BEND7: variants seen among roughly 807,000 people sequenced by gnomAD.
BEND7 encodes BEN domain-containing protein 7.
In BEND7, 28 loss-of-function variants were observed where a neutral mutation model predicts 50.9. The observed-to-expected ratio is 0.55, with a 90% CI of 0.41 to 0.75. The LOEUF (loss-of-function observed/expected upper bound fraction) is 0.75, where lower values mean the gene tolerates loss of function less well. Ranked by LOEUF, BEND7 falls within the 30% of genes least tolerant of loss-of-function variation. The pLI is 0.00. For synonymous variants in BEND7, 170 were observed against 183.9 expected, an observed-to-expected ratio of 0.92 and a Z score of 0.61; for missense variants, 477 against 491.3, an observed-to-expected ratio of 0.97 and a Z score of 0.28.
intron 6 of BEND7, among the ~76,000 whole-genome samples, chr10:13,457,785 G>GT (rs1249055484): frequency 6.6e-6 from 1 of 152,174 alleles, no homozygotes; most frequent in African/African-American, 2.4e-5. Context: ...TATTATCCTG[G>GT]TAACAGTTCC....
Position 13,499,900 on chromosome 10 carries a change from A to C in BEND7, c.326T>G (p.Leu109Arg). The change falls in exon 3 of 9, where the codon CTC becomes CGC. Residue 109 changes from leucine (L) to arginine (R), a missense_variant. Around this residue, in one of 3 missense-constraint regions of BEND7, gnomAD observed 396 missense variants for 384.2 expected, o/e 1.03. Transcript: ENST00000466271. ...LNSSAEAPQS[L>R]HPSSRGVWNE... ...CCACACACCACGTGAAGACGGGTGG[A>C]GGCTTTGCGGGGCCTCAGCAGAGGA... 6.2e-7 allele frequency: 1 copy of C among 1,614,164 alleles called. No homozygotes were observed. Among genetic ancestry groups the C allele is most frequent in the Non-Finnish European group, 8.5e-7 (1 of 1,180,020 alleles).
chr10:13,528,595 C>T lies in BEND7; in HGVS notation c.-62G>A, dbSNP rs1429295832. The T allele has an allele frequency of 7.2e-6, 6 of 835,534 alleles. No individual in the cohort carries two copies. Among genetic ancestry groups the T allele is most frequent in the Non-Finnish European group, 8.6e-6 (6 of 699,864 alleles). 51.8% of individuals were successfully genotyped at this position (835,534 alleles called of 1,614,324 possible). On this transcript the variant is annotated 5_prime_UTR_variant, in exon 1 of 9. Coordinates refer to ENST00000466271, the MANE Select transcript of BEND7 (RefSeq NM_001369863.1). ...GCGGCAGCGGCGGCAGCGGCAGCGG[C>T]GGCAGCGGCAGCGGCGGCGCGGGCT...
In BEND7 at chr10:13,480,970, T is replaced by C. The variant is rs1420780406; in HGVS notation, c.992A>G (p.Asn331Ser). 1 of 1,614,180 alleles carries C rather than the reference T, an allele frequency of 6.2e-7. No homozygotes were observed. Among genetic ancestry groups the C allele is most frequent in the Non-Finnish European group, 8.5e-7 (1 of 1,180,034 alleles). The stretch of plus-strand genomic sequence containing the variant: ...ATTGAGTCCTCTTTTCCTCTTCCCA[T>C]TGGGTAAGGAGTTAGCCAAAGTCTT... ...DDKTLANSLP[N>S]GKRKRGLNDN... Residue 331 changes from asparagine to serine, a missense_variant, in exon 6 of 9, where the codon AAT becomes AGT. Coordinates refer to ENST00000466271, the MANE Select transcript of BEND7 (RefSeq NM_001369863.1).
chr10:13,529,153 G>A (rs2079581549), upstream of BEND7, among the ~76,000 whole-genome samples: 1 of 143,808 alleles, frequency 7.0e-6, no homozygotes, highest in African/African-American at 2.5e-5. Context: ...CGCCGGCCTG[G>A]CCGCGCGGCG....
intron 2 of BEND7, among the ~76,000 whole-genome samples, chr10:13,506,370 A>C (rs1212714786): frequency 6.6e-6 from 1 of 151,820 alleles, no homozygotes; most frequent in Non-Finnish European, 1.5e-5. Context: ...GGCTCTTTTA[A>C]CCCCTGGAAG....
chr10:13,505,618 CCT>C (rs1554786678), intron 2 of BEND7, among the ~76,000 whole-genome samples: 3 of 152,206 alleles, frequency 2.0e-5, no homozygotes, highest in Non-Finnish European at 4.4e-5. Flanking sequence ...CAGTCCGACC[CCT>C]GACTGGGAGC....
At chr10:13,495,624 TGCACTCCAGCCTGG>T (rs1378556328) in intron 4 of BEND7, among the ~76,000 whole-genome samples, 1 of 152,190 alleles carries the variant, frequency 6.6e-6, no homozygotes, top group Non-Finnish European at 1.5e-5. Flanking sequence ...ATCATGCCAT[TGCACTCCAGCCTGG>T]GCAACAAGAG....
At chr10:13,497,291 G>A (rs1201454419) in intron 3 of BEND7, among the ~76,000 whole-genome samples, 1 of 152,166 alleles carries the variant, frequency 6.6e-6, no homozygotes, top group African/African-American at 2.4e-5. Flanking sequence ...AAAAAAATTT[G>A]GTAGCTGTGT....
chr10:13,510,949 G>A (rs985864404), intron 2 of BEND7, among the ~76,000 whole-genome samples: 7 of 152,116 alleles, frequency 4.6e-5, no homozygotes, highest in Admixed American at 1.3e-4. Flanking sequence ...AGGCTGAGGT[G>A]GACGGATCAC....
At position 13,480,864 on chromosome 10, in the gene BEND7, C is replaced by T. The variant is rs187272531; in HGVS notation, c.1063+35G>A. 1,146 of 1,611,462 alleles carry T rather than the reference C, an allele frequency of 7.1e-4. 4 individuals are homozygous for T. Among genetic ancestry groups the T allele is most frequent in the East Asian group, 2.2e-3 (100 of 44,842 alleles). On this transcript the variant is annotated intron_variant, in intron 6 of 8. Coordinates refer to ENST00000466271, the MANE Select transcript of BEND7 (RefSeq NM_001369863.1). Reference sequence around the variant, plus strand: ...GTTACGGAATGAAGGGAAAGCTCAACGAAGAACCCACAAAATGAAATGATG... The same window carrying T: ...GTTACGGAATGAAGGGAAAGCTCAATGAAGAACCCACAAAATGAAATGATG...
intron 2 of BEND7, among the ~76,000 whole-genome samples, chr10:13,524,032 T>A (rs544603875): frequency 4.6e-5 from 7 of 152,354 alleles, no homozygotes; most frequent in African/African-American, 1.4e-4. Flanking sequence ...AATTCTTGCA[T>A]CTTCCTCAAC....
At chr10:13,514,875 C>T (rs774904125) in intron 2 of BEND7, among the ~76,000 whole-genome samples, 3 of 152,158 alleles carry the variant, frequency 2.0e-5, no homozygotes, top group Admixed American at 6.5e-5. Context: ...CTGAACCTTG[C>T]GCTTCTGTGG....
At chr10:13,493,749 A>T (rs2076837528) in intron 4 of BEND7, among the ~76,000 whole-genome samples, 1 of 152,238 alleles carries the variant, frequency 6.6e-6, no homozygotes, top group South Asian at 2.1e-4. Flanking sequence ...CCATTTAAAA[A>T]TACTCTCTTG....
chr10:13,441,025 A>C, downstream of BEND7: 1 of 839,302 alleles, frequency 1.2e-6, no homozygotes, highest in Non-Finnish European at 1.4e-6. Flanking sequence ...TAATTAATGA[A>C]CAGCACTGAC....
intron 2 of BEND7, among the ~76,000 whole-genome samples, chr10:13,515,352 A>G (rs1305631969): frequency 6.6e-6 from 1 of 152,256 alleles, no homozygotes; most frequent in African/African-American, 2.4e-5. Context: ...AGATAGCAGT[A>G]TAATTAGTTT....
intron 3 of BEND7, among the ~76,000 whole-genome samples, chr10:13,497,120 G>A (rs765661345): frequency 1.2e-4 from 19 of 152,188 alleles, no homozygotes; most frequent in Non-Finnish European, 4.4e-5. Flanking sequence ...GTGCTGTGGC[G>A]CGGTGCGGGA....
At chr10:13,519,718 C>T (rs2078953979) in intron 2 of BEND7, among the ~76,000 whole-genome samples, 1 of 152,234 alleles carries the variant, frequency 6.6e-6, no homozygotes, top group South Asian at 2.1e-4. Flanking sequence ...GCAAGGTTTT[C>T]TGACTCTAAA....
Position 13,441,522 on chromosome 10 carries a change from G to A in BEND7, c.*221C>T. The A allele has an allele frequency of 7.2e-7, 1 of 1,385,236 alleles. No homozygotes were observed. Among genetic ancestry groups the A allele is most frequent in the South Asian group, 1.8e-5 (1 of 55,598 alleles). The allele number at this position is 1,385,236 out of a possible 1,614,324, so 85.8% of individuals were successfully genotyped here. ...CCAAGCTGTGGCCCCGCCTTGGAAG[G>A]CAGTGCTTCTGAAGGTTCCCAGCAG... On this transcript the variant is annotated 3_prime_UTR_variant, in exon 9 of 9. Coordinates refer to ENST00000466271, the MANE Select transcript of BEND7 (RefSeq NM_001369863.1).
chr10:13,506,203 G>A (rs1225921966), intron 2 of BEND7, among the ~76,000 whole-genome samples: 1 of 144,386 alleles, frequency 6.9e-6, no homozygotes, highest in African/African-American at 2.8e-5. Flanking sequence ...CTGCCCCCCT[G>A]TTTGCAGATG....
Sources: allele counts gnomAD v4.1 joint callset (sites outside exome capture counted in the v4.1 genomes callset), GRCh38; gene constraint gnomAD v4.1.1; regional missense constraint gnomAD v4.1.1; transcripts MANE v1.5; gene names NCBI Gene and HGNC (gene_info 2026-07-23, HGNC 2026-07-21).